IL17RA: variants seen among roughly 807,000 people sequenced by gnomAD.
The protein encoded by IL17RA is interleukin 17 receptor A, also known as interleukin-17 receptor A.
IL17RA carries 34 observed loss-of-function variants against 50.4 expected under a neutral mutation model. That is an observed-to-expected ratio of 0.67 (90% CI 0.51 to 0.90). The LOEUF (loss-of-function observed/expected upper bound fraction) is 0.90. Ranked by LOEUF, IL17RA falls within the 40% of genes least tolerant of loss-of-function variation. IL17RA has a pLI of 0.00. For missense variants in IL17RA, 1,276 were observed against 1,169.8 expected (o/e 1.09, Z -1.32); for synonymous variants, 585 against 510.4 (o/e 1.15, Z -1.97).
chr22:17,109,643 C>T lies in IL17RA; in HGVS notation c.2424C>T (p.Leu808=). ...GCTCCCCGCAGCCCCCCGAGGGACT[C>T]ACGGAAATGGAGGAAGAGGAGGAAG... ...SRSSPQPPEG[L]TEMEEEEEEE... The change falls in exon 13 of 13, where the codon CTC becomes CTT. Residue 808 remains leucine, a synonymous_variant. Coordinates refer to ENST00000319363, the MANE Select transcript of IL17RA (RefSeq NM_014339.7). 2 of 1,608,340 alleles carry T rather than the reference C, an allele frequency of 1.2e-6. No individual in the cohort carries two copies. The highest frequency in any genetic ancestry group is 1.7e-6 in the Non-Finnish European group (2 of 1,177,924).
At position 17,102,010 on chromosome 22, in the gene IL17RA, A is replaced by C. The variant is rs774179962; in HGVS notation, c.565A>C (p.Arg189=). 2 of 1,614,266 alleles carry C rather than the reference A, an allele frequency of 1.2e-6. No homozygotes were observed. The highest frequency in any genetic ancestry group is 1.7e-6 in the Non-Finnish European group (2 of 1,180,044). The change falls in exon 6 of 13, where the codon AGG becomes CGG. Residue 189 remains arginine (R), a synonymous_variant. Transcript: ENST00000319363. ...TGGGTCGACAGACTGTGAGCACGCC[A>C]GGATGAAGGTAACCACGCCATGCAT... ...NFLVPDCEHA[R]MKVTTPCMSS...
intron 11 of IL17RA, among the ~76,000 whole-genome samples, chr22:17,107,044 T>G (rs1279099979): frequency 6.6e-6 from 1 of 152,162 alleles, no homozygotes; most frequent in East Asian, 1.9e-4. Context: ...CATCTGTGGA[T>G]CTCAATCCTC....
Position 17,098,728 on chromosome 22 carries a change from C to G in IL17RA, c.311-47C>G, listed in dbSNP as rs755904138. On this transcript the variant is annotated intron_variant, in intron 3 of 12. Transcript: ENST00000319363. ...GGGAAGTGACACACCCAGCACTTGT[C>G]TTGGCTGATCTGCATCTGTTTGTCT... 8.0e-6 allele frequency: 12 copies of G among 1,505,928 alleles called. No individual in the cohort carries two copies. The African/African-American group carries it at 1.5e-4, about 19-fold the overall frequency. The allele number at this position is 1,505,928 out of a possible 1,614,324, so 93.3% of individuals were successfully genotyped here.
chr22:17,109,375 TCCCC>T lies in IL17RA; in HGVS notation c.2157_2160del (p.Pro720TrpfsTer24). On this transcript the variant is annotated frameshift_variant, in exon 13 of 13. Coordinates refer to ENST00000319363, the MANE Select transcript of IL17RA (RefSeq NM_014339.7). LOFTEE classifies it low-confidence loss of function (END_TRUNC). ...GCTGGGCGAAATAGCGTCCTCTTCCTCCCCGTGGACCCCGAGGACTCGCCCCTTG... is the reference window on the plus strand; with the variant it reads ...GCTGGGCGAAATAGCGTCCTCTTCCTGTGGACCCCGAGGACTCGCCCCTTG... 1 of 1,611,334 alleles carries T rather than the reference TCCCC, an allele frequency of 6.2e-7. No homozygotes were observed. The highest frequency in any genetic ancestry group is 8.5e-7 in the Non-Finnish European group (1 of 1,179,650).
rs2061410271 is a variant in IL17RA at position 17,105,499 on chromosome 22, T to A, written c.932-92T>A. The A allele has an allele frequency of 3.1e-6, 4 of 1,272,328 alleles. 1 individual carries two copies. In the South Asian group the frequency reaches 4.8e-5, roughly 15 times the overall value. The allele number at this position is 1,272,328 out of a possible 1,614,324, so 78.8% of individuals were successfully genotyped here. A position where few individuals can be genotyped will look rare whatever the true frequency, so the allele number is the denominator to read the frequency against. ...GTGCCTGGTGCAGGGCCAACATCAT[T>A]AAAGCCCTCAAGGGACGTCAGTTGT... On this transcript the variant is annotated intron_variant, in intron 9 of 12. Transcript: ENST00000319363.
intron 1 of IL17RA, among the ~76,000 whole-genome samples, chr22:17,089,875 CAAAA>C (rs57976813): frequency 2.9e-5 from 4 of 138,982 alleles, no homozygotes; most frequent in South Asian, 2.3e-4. Flanking sequence ...AACAAACAAA[CAAAA>C]AAAAAAACGA....
chr22:17,086,012 C>T (rs2061326432), intron 1 of IL17RA, among the ~76,000 whole-genome samples: 1 of 152,292 alleles, frequency 6.6e-6, no homozygotes, highest in Non-Finnish European at 1.5e-5. Flanking sequence ...TCTGGGAACC[C>T]GGTGAGAGCG....
At position 17,087,688 on chromosome 22, in the gene IL17RA, A is replaced by G. The variant is rs186383645; in HGVS notation, c.138+2459A>G. Reference sequence around the variant, plus strand: ...CCCCACAGAAATCATTACACGAGAAACCATCAATAATTGCATTTCCCTGGG... The same window carrying G: ...CCCCACAGAAATCATTACACGAGAAGCCATCAATAATTGCATTTCCCTGGG... On this transcript the variant is annotated intron_variant, in intron 1 of 12. Coordinates refer to ENST00000319363, the MANE Select transcript of IL17RA (RefSeq NM_014339.7). 3.6e-4 allele frequency among the ~76,000 whole-genome samples: 55 copies of G among 152,230 alleles called. 3 individuals carry two copies. Among genetic ancestry groups the G allele is most frequent in the African/African-American group, 1.1e-3 (47 of 41,532 alleles).
chr22:17,103,436 T>C, intron 7 of IL17RA, 58 bp from the exon 8 acceptor site: 1 of 1,427,398 alleles, frequency 7.0e-7, no homozygotes, highest in Non-Finnish European at 9.8e-7. Flanking sequence ...AGCGTGTTCT[T>C]ACCCAACTAG....
At chr22:17,100,181 G>GA (rs1289373636) in intron 4 of IL17RA, among the ~76,000 whole-genome samples, 174 bp from the exon 5 acceptor site, 1 of 149,642 alleles carries the variant, frequency 6.7e-6, no homozygotes, top group African/African-American at 2.4e-5. Flanking sequence ...AGGACCAGAG[G>GA]AAACAAAAAA....
intron 1 of IL17RA, among the ~76,000 whole-genome samples, chr22:17,090,276 G>A (rs779953921): frequency 2.0e-5 from 3 of 152,060 alleles, no homozygotes; most frequent in South Asian, 2.1e-4. Flanking sequence ...CACCTGCCTC[G>A]GCCTCCCAAA....
Position 17,097,938 on chromosome 22 carries a change from C to T in IL17RA, c.305C>T (p.Thr102Ile). ...PVAHIEWTLQ[T>I]DASILYLEGA... The stretch of plus-strand genomic sequence containing the variant: ...GCTCACATCGAATGGACACTGCAGA[C>T]AGACGGTGAGTGGGCATGCCAGCAG... Residue 102 changes from threonine (T) to isoleucine (I), a missense_variant, in exon 3 of 13, where the codon ACA (threonine) becomes ATA (isoleucine). Transcript: ENST00000319363. The T allele has an allele frequency of 1.2e-6, 2 of 1,614,088 alleles. No individual in the cohort carries two copies. Among genetic ancestry groups the T allele is most frequent in the Admixed American group, 1.7e-5 (1 of 60,028 alleles).
At chr22:17,091,979 G>T (rs754853916) in intron 1 of IL17RA, among the ~76,000 whole-genome samples, 6 of 152,186 alleles carry the variant, frequency 3.9e-5, no homozygotes, top group Non-Finnish European at 8.8e-5. Context: ...TTCATTGGTG[G>T]CTGGCAGCCT....
chr22:17,104,299 G>A (rs1425067574), intron 8 of IL17RA, among the ~76,000 whole-genome samples: 1 of 85,280 alleles, frequency 1.2e-5, no homozygotes, highest in East Asian at 3.7e-4. Flanking sequence ...AGTGGGGAGC[G>A]TGCACAGGTG....
intron 11 of IL17RA, 118 bp from the exon 12 acceptor site, chr22:17,107,609 G>C: frequency 1.2e-6 from 1 of 863,926 alleles, no homozygotes; most frequent in Middle Eastern, 2.2e-4. Context: ...TCGCTGCTCA[G>C]TCTCGGGGCT....
At chr22:17,094,705 A>ATATATATATG (rs2061362590) in intron 1 of IL17RA, among the ~76,000 whole-genome samples, 1 of 66,864 alleles carries the variant, frequency 1.5e-5, no homozygotes, top group African/African-American at 7.9e-5. Flanking sequence ...ATATATATAT[A>ATATATATATG]TATATATATA....
Position 17,108,432 on chromosome 22 carries a change from G to A in IL17RA, c.1213G>A (p.Ala405Thr), listed in dbSNP as rs1187942311. The A allele has an allele frequency of 3.7e-6, 6 of 1,613,856 alleles. No homozygotes were observed. Among genetic ancestry groups the A allele is most frequent in the African/African-American group, 1.3e-5 (1 of 74,950 alleles). ...GAAATTCGCCCAGTTCCTGCTCACC[G>A]CCTGCGGCACGGAAGTGGCCCTGGA... The part of the protein sequence containing the change: ...VLKFAQFLLT[A>T]CGTEVALDLL... The change falls in exon 13 of 13, where the codon GCC becomes ACC. Residue 405 changes from alanine to threonine, a missense_variant. Ala to Thr is a moderately conservative substitution (Grantham distance 58). Coordinates refer to ENST00000319363, the MANE Select transcript of IL17RA (RefSeq NM_014339.7).
chr22:17,103,863 GGA>G (rs1212671720), intron 8 of IL17RA, among the ~76,000 whole-genome samples: 4 of 143,168 alleles, frequency 2.8e-5, no homozygotes, highest in East Asian at 2.1e-4. Context: ...GTGCACAGGT[GGA>G]GAGAGTGGTG....
intron 1 of IL17RA, among the ~76,000 whole-genome samples, chr22:17,094,670 T>TCTCTCTCTCTCTCTCTCTCC (rs2061360425): frequency 2.0e-5 from 1 of 48,980 alleles, no homozygotes; most frequent in Non-Finnish European, 4.2e-5. Context: ...TCTCTCTCTC[T>TCTCTCTCTCTCTCTCTCTCC]CTCTCTCTCT....
Sources: gnomAD v4.1 joint callset for allele counts (sites outside exome capture counted in the v4.1 genomes callset) on GRCh38, gnomAD v4.1.1 for gene constraint, MANE v1.5 for transcripts, NCBI Gene and HGNC (gene_info 2026-07-23, HGNC 2026-07-21) for gene names.